COLGALT2: variants seen among roughly 807,000 people sequenced by gnomAD.
The protein encoded by COLGALT2 is collagen beta(1-O)galactosyltransferase 2, also known as procollagen galactosyltransferase 2.
COLGALT2 carries 49 observed loss-of-function variants against 73.4 expected under a neutral mutation model. That is an observed-to-expected ratio of 0.67 (90% CI 0.53 to 0.85). The LOEUF is 0.85. Ranked by LOEUF, COLGALT2 falls within the 40% of genes least tolerant of loss-of-function variation. The probability of loss-of-function intolerance (pLI) is 0.00; values close to 1 mark genes in which losing one functional copy is unlikely to be tolerated. For missense variants in COLGALT2, 722 were observed against 790.2 expected, an observed-to-expected ratio of 0.91 and a Z score of 1.03; for synonymous variants, 295 against 307.6, an observed-to-expected ratio of 0.96 and a Z score of 0.43.
chr1:183,938,851 C>T lies in COLGALT2; in HGVS notation c.1791G>A (p.Lys597=). ...WDRTHAWKSR[K]QSRIYSNAKN... is the part of the protein sequence containing the mutation. ...TGGCATTGCTGTAGATGCGGCTTTG[C>T]TTCCGGGACTTCCAGGCATGTGTCC... Residue 597 remains lysine, a synonymous_variant, in exon 12 of 12, where the codon AAG becomes AAA. Coordinates refer to ENST00000361927, the MANE Select transcript of COLGALT2 (RefSeq NM_015101.4). 1 of 1,614,172 alleles carries T rather than the reference C, an allele frequency of 6.2e-7. No homozygotes were observed. Among genetic ancestry groups the T allele is most frequent in the Non-Finnish European group, 8.5e-7 (1 of 1,180,016 alleles).
Position 183,944,236 on chromosome 1 carries a change from T to A in COLGALT2, c.1357A>T (p.Met453Leu), listed in dbSNP as rs1670188888. 1.2e-6 allele frequency: 2 copies of A among 1,613,992 alleles called. No individual in the cohort carries two copies. Among genetic ancestry groups the A allele is most frequent in the Non-Finnish European group, 1.7e-6 (2 of 1,179,950 alleles). Residue 453 changes from methionine to leucine, a missense_variant, in exon 10 of 12, where the codon ATG becomes TTG. Physicochemically the swap from Met to Leu is conservative, Grantham distance 15 (BLOSUM62 2). Coordinates refer to ENST00000361927, the MANE Select transcript of COLGALT2 (RefSeq NM_015101.4). Reference sequence around the variant, plus strand: ...AGCTGAGCCTGGTCAATGTTATCCATCAGCTTCATCAGCTTCTTCTTAAAC... The same window carrying A: ...AGCTGAGCCTGGTCAATGTTATCCAACAGCTTCATCAGCTTCTTCTTAAAC... Reference protein sequence around the residue: ...HQFKKKLMKLMDNIDQAQLDW... With the variant: ...HQFKKKLMKLLDNIDQAQLDW...
At chr1:183,947,117 G>A (rs1037151200) in intron 8 of COLGALT2, among the ~76,000 whole-genome samples, 1 of 152,088 alleles carries the variant, frequency 6.6e-6, no homozygotes, top group African/African-American at 2.4e-5. Flanking sequence ...GAAACTGGAA[G>A]AATTGAAAGG....
At chr1:183,984,924 G>A (rs943191213) in intron 1 of COLGALT2, among the ~76,000 whole-genome samples, 5 of 152,254 alleles carry the variant, frequency 3.3e-5, no homozygotes, top group African/African-American at 4.8e-5. Flanking sequence ...CACTGTCACC[G>A]CTACATGGAA....
At chr1:183,945,608 C>G in intron 8 of COLGALT2, 44 bp from the exon 9 acceptor site, 1 of 1,608,880 alleles carries the variant, frequency 6.2e-7, no homozygotes, top group African/African-American at 1.3e-5. Context: ...AGTCAAAGGT[C>G]CCCACCACAA....
intron 1 of COLGALT2, among the ~76,000 whole-genome samples, chr1:184,026,944 C>G (rs919171008): frequency 2.6e-5 from 4 of 152,090 alleles, no homozygotes; most frequent in Admixed American, 6.5e-5. Context: ...GTAAGATACA[C>G]TGAAGAAAGA....
intron 11 of COLGALT2, among the ~76,000 whole-genome samples, chr1:183,930,641 A>G (rs572427246): frequency 1.3e-5 from 2 of 148,646 alleles, no homozygotes; most frequent in South Asian, 4.3e-4. Flanking sequence ...CTGGTCTCAA[A>G]CTCCTGAGCT....
chr1:183,942,314 C>T (rs1670137729), intron 10 of COLGALT2, among the ~76,000 whole-genome samples: 1 of 151,486 alleles, frequency 6.6e-6, no homozygotes, highest in Non-Finnish European at 1.5e-5. Flanking sequence ...AAAATACATA[C>T]CAGATTTTGA....
chr1:183,971,902 C>A (rs1487269323), intron 4 of COLGALT2, among the ~76,000 whole-genome samples: 1 of 152,158 alleles, frequency 6.6e-6, no homozygotes, highest in East Asian at 1.9e-4. Flanking sequence ...TTAACCTTTC[C>A]CTTAGCTTAA....
intron 1 of COLGALT2, among the ~76,000 whole-genome samples, chr1:184,024,656 T>C (rs77428565): frequency 2.1e-5 from 1 of 48,062 alleles, no homozygotes; most frequent in Middle Eastern, 8.3e-3. Flanking sequence ...CAGCCTCAGC[T>C]TTTTTTTTTT....
intron 1 of COLGALT2, among the ~76,000 whole-genome samples, chr1:184,004,764 C>T (rs1672025062): frequency 1.3e-5 from 2 of 152,058 alleles, no homozygotes; most frequent in Admixed American, 6.6e-5. Context: ...TACAGAGCCA[C>T]AGGGAGCCAC....
At chr1:183,953,301 G>A (rs2986550) in intron 7 of COLGALT2, among the ~76,000 whole-genome samples, 120,512 of 152,076 alleles carry the variant, frequency 0.79, 48,005 homozygotes, top group East Asian at 0.99. Context: ...TGTTCCATAC[G>A]GAGAGGTGAC....
intron 10 of COLGALT2, among the ~76,000 whole-genome samples, chr1:183,942,879 G>A (rs539997120): frequency 3.1e-4 from 47 of 152,312 alleles, no homozygotes; most frequent in Non-Finnish European, 1.6e-4. Flanking sequence ...ACATGTGAAC[G>A]GGAACGTATG....
chr1:183,950,983 A>G, intron 8 of COLGALT2, 24 bp downstream of exon 8: 2 of 1,520,430 alleles, frequency 1.3e-6, no homozygotes, highest in Non-Finnish European at 1.8e-6. Context: ...TCACATCTGC[A>G]ATGGGAGAAG....
intron 8 of COLGALT2, chr1:183,946,244 T>G (rs1158136591): frequency 2.0e-5 from 3 of 152,242 alleles, no homozygotes; most frequent in Non-Finnish European, 4.4e-5. Flanking sequence ...TGTTTAACAT[T>G]ACAGCTGTTT....
At chr1:183,933,098 T>C (rs534736458), downstream of COLGALT2, among the ~76,000 whole-genome samples, 11 of 152,338 alleles carry the variant, frequency 7.2e-5, no homozygotes, top group Admixed American at 7.2e-4. Flanking sequence ...ATCTCTCCCA[T>C]AGTTGCAGAC....
intron 1 of COLGALT2, among the ~76,000 whole-genome samples, chr1:183,991,670 T>C (rs1050154331): frequency 1.3e-5 from 2 of 152,216 alleles, no homozygotes; most frequent in African/African-American, 4.8e-5. Context: ...TCACTTCATT[T>C]GTGGTTCCTT....
intron 5 of COLGALT2, among the ~76,000 whole-genome samples, chr1:183,966,984 T>C (rs868805782): frequency 6.3e-4 from 96 of 152,110 alleles, no homozygotes; most frequent in African/African-American, 2.1e-3. Flanking sequence ...GCTAGGGAGC[T>C]TCAGAAGAGT....
chr1:183,977,620 T>C (rs1156444241), intron 2 of COLGALT2, among the ~76,000 whole-genome samples: 10 of 151,950 alleles, frequency 6.6e-5, no homozygotes, highest in Non-Finnish European at 7.4e-5. Context: ...ATCATGTCTC[T>C]ACAAAAAATA....
intron 6 of COLGALT2, among the ~76,000 whole-genome samples, chr1:183,962,315 A>G (rs1670733657): frequency 6.6e-6 from 1 of 151,462 alleles, no homozygotes; most frequent in Non-Finnish European, 1.5e-5. Flanking sequence ...GTGCACTACC[A>G]TGCCCAGCTT....
Sources: gnomAD v4.1 joint callset for allele counts (sites outside exome capture counted in the v4.1 genomes callset) on GRCh38, gnomAD v4.1.1 for gene constraint, MANE v1.5 for transcripts, NCBI Gene and HGNC (gene_info 2026-07-23, HGNC 2026-07-21) for gene names.